Variants in VIPR1 observed in about 807,000 individuals in gnomAD.
The protein encoded by VIPR1 is vasoactive intestinal peptide receptor 1, also known as vasoactive intestinal polypeptide receptor 1.
VIPR1 carries 59 observed loss-of-function variants against 58.8 expected under a neutral mutation model. The ratio of observed to expected loss-of-function variants is 1.00; its 90% confidence interval spans 0.81 to 1.25. VIPR1 has a LOEUF of 1.25. VIPR1 is among the 50% of genes most tolerant of loss of function. The pLI is 0.00. For missense variants in VIPR1, 626 were observed against 602.7 expected, an observed-to-expected ratio of 1.04 and a Z score of -0.40; for synonymous variants, 251 against 242.1, an observed-to-expected ratio of 1.04 and a Z score of -0.34.
At chr3:42,524,807 C>T (rs1164846103) in intron 3 of VIPR1, among the ~76,000 whole-genome samples, 2 of 152,106 alleles carry the variant, frequency 1.3e-5, no homozygotes, top group African/African-American at 4.8e-5. Flanking sequence ...CTCTGGAGAC[C>T]AAATCAGCTC....
chr3:42,502,895 G>C, intron 1 of VIPR1, 82 bp downstream of exon 1: 11 of 1,070,224 alleles, frequency 1.0e-5, no homozygotes, highest in Non-Finnish European at 1.2e-5. Flanking sequence ...GCGGGAGCCG[G>C]GCCGTCTGTG....
rs1701902411 is a variant in VIPR1, at chr3:42,537,091, A to C, written c.*810A>C. ...GGGATCTGTCACACCAGCCATACTT[A>C]TCTCTCTGTGCTGTGGAAGCAACAG... On this transcript the variant is annotated 3_prime_UTR_variant, in exon 13 of 13. Transcript: ENST00000325123. 6.6e-6 allele frequency: 1 copy of C among 152,252 alleles called. No homozygotes were observed. Among genetic ancestry groups the C allele is most frequent in the Admixed American group, 6.5e-5 (1 of 15,286 alleles). 9.4% of individuals were successfully genotyped at this position (152,252 alleles called of 1,614,324 possible).
At position 42,537,266 on chromosome 3, in the gene VIPR1, G is replaced by A. The variant is rs1441929692; in HGVS notation, c.*985G>A. 2 of 152,236 alleles carry A rather than the reference G, an allele frequency of 1.3e-5. No individual in the cohort carries two copies. The highest frequency in any genetic ancestry group is 2.9e-5 in the Non-Finnish European group (2 of 68,042). 9.4% of individuals were successfully genotyped at this position (152,236 alleles called of 1,614,324 possible). A position where few individuals can be genotyped will look rare whatever the true frequency, so the allele number is the denominator to read the frequency against. ...GAACTCAGATCTGTCTGATAGGAAT[G>A]TGAAAGCACGGACTCTTACTGCTAA... is the stretch of plus-strand genomic sequence containing the variant. On this transcript the variant is annotated 3_prime_UTR_variant, in exon 13 of 13. Coordinates refer to ENST00000325123, the MANE Select transcript of VIPR1 (RefSeq NM_004624.4).
chr3:42,497,140 C>G (rs1699778054), intron 1 of VIPR1, among the ~76,000 whole-genome samples: 2 of 152,164 alleles, frequency 1.3e-5, no homozygotes, highest in Admixed American at 1.3e-4. Context: ...AGCGTGAGAA[C>G]TTTGAGATCC....
chr3:42,528,139 C>T lies in VIPR1; in HGVS notation c.636+16C>T, dbSNP rs757203046. On this transcript the variant is annotated intron_variant, in intron 6 of 12. Coordinates refer to ENST00000325123, the MANE Select transcript of VIPR1 (RefSeq NM_004624.4). The stretch of plus-strand genomic sequence containing the variant: ...CGAGGGCTCGGTGAGGATCCTGGCC[C>T]TGGCCCACCTCCCTCAGTCTCGCCG... 3.1e-6 allele frequency: 5 copies of T among 1,611,354 alleles called. No individual in the cohort carries two copies. Among genetic ancestry groups the T allele is most frequent in the Non-Finnish European group, 4.2e-6 (5 of 1,178,854 alleles).
Position 42,525,911 on chromosome 3 carries a change from CCGA to C in VIPR1, c.321_323del (p.Asp107del). ...GGCCGCAATGTAAGCCGCAGCTGCA[CCGA>C]CGAAGGCTGGACGCACCTGGAGCCT... On this transcript the variant is annotated inframe_deletion, in exon 4 of 13. Transcript: ENST00000325123. The C allele has an allele frequency of 6.2e-7, 1 of 1,613,128 alleles. No homozygotes were observed. The highest frequency in any genetic ancestry group is 8.5e-7 in the Non-Finnish European group (1 of 1,179,640).
At chr3:42,517,793 T>C (rs910275975) in intron 2 of VIPR1, among the ~76,000 whole-genome samples, 5 of 152,098 alleles carry the variant, frequency 3.3e-5, no homozygotes, top group Non-Finnish European at 7.4e-5. Flanking sequence ...CTGGCCAACA[T>C]GGCGAAACCC....
Position 42,535,117 on chromosome 3 carries a change from G to T in VIPR1, c.1140+13G>T. On this transcript the variant is annotated intron_variant, in intron 11 of 12. Transcript: ENST00000325123. ...GGGGTCTTTCCAGGTATGGGCTGTT[G>T]ACTTAAGGCTGCATTCTTCCCTGGC... 1 of 1,614,136 alleles carries T rather than the reference G, an allele frequency of 6.2e-7. No individual in the cohort carries two copies. The highest frequency in any genetic ancestry group is 1.1e-5 in the South Asian group (1 of 91,004).
At chr3:42,501,065 G>T (rs143205203), upstream of VIPR1, among the ~76,000 whole-genome samples, 41 of 152,262 alleles carry the variant, frequency 2.7e-4, no homozygotes, top group East Asian at 7.2e-3. This position sits in a 1 kb window ranked among gnomAD's most constrained non-coding sequence, Gnocchi z 4.8. Flanking sequence ...CTCCATGGTG[G>T]CGAGGTTCCC....
intron 1 of VIPR1, among the ~76,000 whole-genome samples, chr3:42,503,434 G>A (rs1699965952): frequency 6.6e-6 from 1 of 152,192 alleles, no homozygotes; most frequent in Admixed American, 6.5e-5. Context: ...GGAGGGGCCA[G>A]GCCTGTACAT....
intron 1 of VIPR1, among the ~76,000 whole-genome samples, chr3:42,492,857 G>A (rs1699690940): frequency 6.6e-6 from 1 of 152,172 alleles, no homozygotes; most frequent in South Asian, 2.1e-4. Context: ...TGGACACCAG[G>A]CCCCAGCCCC....
intron 3 of VIPR1, among the ~76,000 whole-genome samples, chr3:42,522,115 T>G (rs1217806649): frequency 0.016 from 1,238 of 77,532 alleles, 115 homozygotes; most frequent in African/African-American, 0.063. Flanking sequence ...TTTTTTTTTT[T>G]TTTTTTTTTT....
upstream of VIPR1, among the ~76,000 whole-genome samples, chr3:42,497,873 C>T (rs1174830307): frequency 6.6e-6 from 1 of 152,194 alleles, no homozygotes; most frequent in South Asian, 2.1e-4. Context: ...TCTTTATAAA[C>T]TTCCCAGTCT....
chr3:42,519,156 C>A, intron 2 of VIPR1, 67 bp from the exon 3 acceptor site: 2 of 1,348,616 alleles, frequency 1.5e-6, no homozygotes, highest in Non-Finnish European at 2.0e-6. Flanking sequence ...TGCCTATGGC[C>A]TCAGGCCCCA....
chr3:42,505,500 TG>T (rs1700080194), intron 1 of VIPR1, among the ~76,000 whole-genome samples: 1 of 152,238 alleles, frequency 6.6e-6, no homozygotes, highest in African/African-American at 2.4e-5. Flanking sequence ...CAGGCCCTCT[TG>T]GCCCCCAGCA....
chr3:42,524,653 A>G (rs1486787529), intron 3 of VIPR1, among the ~76,000 whole-genome samples: 1 of 152,202 alleles, frequency 6.6e-6, no homozygotes, highest in Non-Finnish European at 1.5e-5. Context: ...GGCATACGGC[A>G]AAGTTTGGAA....
chr3:42,490,254 G>A (rs568827848), intron 1 of VIPR1, among the ~76,000 whole-genome samples: 140 of 152,320 alleles, frequency 9.2e-4, no homozygotes, highest in Middle Eastern at 3.4e-3. Context: ...AGAAGCCAGC[G>A]GTCAATTCAG....
In VIPR1 at chr3:42,536,850, G is replaced by A. The variant is rs1297553902; in HGVS notation, c.*569G>A. ...GCTTAGTTATCAGCTTTTTAAAGTG[G>A]GTTATTCTGGAGTTTTTGTTTGGAG... On this transcript the variant is annotated 3_prime_UTR_variant, in exon 13 of 13. Transcript: ENST00000325123. 6.6e-6 allele frequency: 1 copy of A among 152,240 alleles called. No homozygotes were observed. Among genetic ancestry groups the A allele is most frequent in the Non-Finnish European group, 1.5e-5 (1 of 68,080 alleles). The allele number at this position is 152,240 out of a possible 1,614,324, so 9.4% of individuals were successfully genotyped here. A position where few individuals can be genotyped will look rare whatever the true frequency, so the allele number is the denominator to read the frequency against.
In VIPR1 at chr3:42,531,387, C is replaced by A. The variant is rs1425051229; in HGVS notation, c.791-84C>A. 1.5e-5 allele frequency: 21 copies of A among 1,435,786 alleles called. No homozygotes were observed. The East Asian group carries it at 5.2e-4, about 36-fold the overall frequency. The allele number at this position is 1,435,786 out of a possible 1,614,324, so 88.9% of individuals were successfully genotyped here. On this transcript the variant is annotated intron_variant, in intron 7 of 12. Transcript: ENST00000325123. Reference sequence around the variant, plus strand: ...TTTTCTCTCTCCCTCCCTCTCCCTGCTTTTCTCCAAAATCTCTCCCTCATG... The same window carrying A: ...TTTTCTCTCTCCCTCCCTCTCCCTGATTTTCTCCAAAATCTCTCCCTCATG...
Sources: gnomAD v4.1 joint callset for allele counts (sites outside exome capture counted in the v4.1 genomes callset) on GRCh38, gnomAD v4.1.1 for gene constraint, Gnocchi (gnomAD v3.1) non-coding constraint, MANE v1.5 for transcripts, NCBI Gene and HGNC (gene_info 2026-07-23, HGNC 2026-07-21) for gene names.